Variants in DYNC2H1 observed in about 807,000 individuals in gnomAD.
DYNC2H1 encodes the protein cytoplasmic dynein 2 heavy chain 1.
DYNC2H1 carries 410 observed loss-of-function variants against 570.0 expected under a neutral mutation model. The observed-to-expected ratio is 0.72, with a 90% CI of 0.66 to 0.78. The LOEUF is 0.78. DYNC2H1 is among the 30% of genes least tolerant of loss of function. The probability of loss-of-function intolerance (pLI) is 0.00; values close to 1 mark genes in which losing one functional copy is unlikely to be tolerated. For missense variants in DYNC2H1, 4,865 were observed against 5,046.4 expected (o/e 0.96, Z 1.09); for synonymous variants, 1,688 against 1,677.6 (o/e 1.01, Z -0.15).
In DYNC2H1 at chr11:103,233,834, G is replaced by A. The variant is rs868472281; in HGVS notation, c.9441-200G>A. 0.043 allele frequency among the ~76,000 whole-genome samples: 2,913 copies of A among 68,190 alleles called. 125 individuals carry two copies. The highest frequency in any genetic ancestry group is 0.15 in the African/African-American group (2,725 of 17,740). The allele number at this position is 68,190 out of a possible 152,430, so 44.7% of individuals were successfully genotyped here. On this transcript the variant is annotated intron_variant, in intron 60 of 88. Transcript: ENST00000375735. Reference sequence around the variant, plus strand: ...AGGTAGAGAATGCTACACTTTATGTGTGTGTGTGTGTGTGTGTGTGTGTGT... The same window carrying A: ...AGGTAGAGAATGCTACACTTTATGTATGTGTGTGTGTGTGTGTGTGTGTGT...
In DYNC2H1 at chr11:103,177,918, C is replaced by A; in HGVS notation, c.6139+98C>A. 1 of 1,300,858 alleles carries A rather than the reference C, an allele frequency of 7.7e-7. No homozygotes were observed. Among genetic ancestry groups the A allele is most frequent in the Non-Finnish European group, 1.0e-6 (1 of 974,774 alleles). 80.6% of individuals were successfully genotyped at this position (1,300,858 alleles called of 1,614,324 possible). On this transcript the variant is annotated intron_variant, in intron 38 of 88. Coordinates refer to ENST00000375735, the MANE Select transcript of DYNC2H1 (RefSeq NM_001377.3). The surrounding 1 kb of genome is among the most constrained non-coding windows in gnomAD (Gnocchi z 4.4). The stretch of plus-strand genomic sequence containing the variant: ...GTCTTTGTCAAGACTTCTACATGAC[C>A]ATAAAGTCATAATTAAGTTAAAATG...
intron 17 of DYNC2H1, among the ~76,000 whole-genome samples, chr11:103,140,098 C>G (rs189818795): frequency 1.3e-5 from 2 of 152,182 alleles, no homozygotes; most frequent in Non-Finnish European, 2.9e-5. Flanking sequence ...TTATTTTGAG[C>G]CTATGTTGTC....
intron 48 of DYNC2H1, 65 bp downstream of exon 48, chr11:103,198,128 G>T: frequency 6.8e-7 from 1 of 1,472,622 alleles, no homozygotes; most frequent in Non-Finnish European, 9.2e-7. Flanking sequence ...AATATTTATT[G>T]TAAATATTTA....
intron 87 of DYNC2H1, among the ~76,000 whole-genome samples, chr11:103,457,882 A>AT (rs952609516): frequency 1.3e-5 from 2 of 152,160 alleles, no homozygotes; most frequent in Admixed American, 6.5e-5. Context: ...TATACTTTTA[A>AT]TTTTTTTAAC....
chr11:103,144,140 G>A (rs1860113309), intron 18 of DYNC2H1, among the ~76,000 whole-genome samples: 1 of 152,190 alleles, frequency 6.6e-6, no homozygotes, highest in African/African-American at 2.4e-5. Flanking sequence ...TGATGATTAA[G>A]TCAAGTACAC....
At chr11:103,471,628 G>A (rs1160792862) in intron 88 of DYNC2H1, among the ~76,000 whole-genome samples, 1 of 152,162 alleles carries the variant, frequency 6.6e-6, no homozygotes, top group African/African-American at 2.4e-5. Flanking sequence ...CTTTTATAAT[G>A]CTATAATGTT....
intron 63 of DYNC2H1, among the ~76,000 whole-genome samples, chr11:103,242,564 A>C (rs181923871): frequency 6.6e-6 from 1 of 152,322 alleles, no homozygotes; most frequent in African/African-American, 2.4e-5. Context: ...ATAAATGTGA[A>C]AACTTAAGAA....
rs1865954985 is a variant in DYNC2H1 at position 103,277,362 on chromosome 11, A to G, written c.10696-2986A>G. Among the ~76,000 whole-genome samples, 1 of 151,728 alleles carries G rather than the reference A, an allele frequency of 6.6e-6. No individual in the cohort carries two copies. The highest frequency in any genetic ancestry group is 6.6e-5 in the Admixed American group (1 of 15,210). The stretch of plus-strand genomic sequence containing the variant: ...CTTTCATTTTACTTATATTTTACAA[A>G]TTTTTCTTCATCTGGGTCTAATTTA... On this transcript the variant is annotated intron_variant, in intron 70 of 88. Transcript: ENST00000375735. The surrounding 1 kb of genome is among the most constrained non-coding windows in gnomAD (Gnocchi z 4.3).
chr11:103,191,221 T>C (rs879318249), intron 45 of DYNC2H1, among the ~76,000 whole-genome samples: 1 of 151,576 alleles, frequency 6.6e-6, no homozygotes, highest in Non-Finnish European at 1.5e-5. Flanking sequence ...TATATTTTTT[T>C]TAGAGACGGG....
rs1944417911 is a variant in DYNC2H1, at chr11:103,446,099, A to G, written c.12457-9087A>G. On this transcript the variant is annotated intron_variant, in intron 85 of 88. Coordinates refer to ENST00000375735, the MANE Select transcript of DYNC2H1 (RefSeq NM_001377.3). This position sits in a 1 kb window ranked among gnomAD's most constrained non-coding sequence, Gnocchi z 4.5. ...GAGGAGGGGAGTGGTCTTGCAAATT[A>G]AAAGTTCTAATTTGAACATGATAAG... Among the ~76,000 whole-genome samples the G allele has an allele frequency of 6.6e-6, 1 of 152,040 alleles. No individual in the cohort carries two copies. Among genetic ancestry groups the G allele is most frequent in the South Asian group, 2.1e-4 (1 of 4,816 alleles).
chr11:103,214,580 G>C (rs887698304), intron 54 of DYNC2H1, among the ~76,000 whole-genome samples: 4 of 151,318 alleles, frequency 2.6e-5, no homozygotes, highest in African/African-American at 9.7e-5. Context: ...GAGTAGCTGC[G>C]ATACAGGCAG....
At chr11:103,394,053 C>T in intron 83 of DYNC2H1, among the ~76,000 whole-genome samples, 1 of 152,184 alleles carries the variant, frequency 6.6e-6, no homozygotes, top group Middle Eastern at 3.2e-3. Context: ...ATCAACTCCC[C>T]TTCTCTTTTA....
intron 62 of DYNC2H1, among the ~76,000 whole-genome samples, 176 bp from the exon 63 acceptor site, chr11:103,236,254 C>CTTTTTG (rs1864214540): frequency 6.6e-6 from 1 of 151,878 alleles, no homozygotes; most frequent in South Asian, 2.1e-4. Context: ...TTCCTTTGCA[C>CTTTTTG]TTTTTGTTTT....
chr11:103,276,692 C>A (rs879286260), intron 70 of DYNC2H1, among the ~76,000 whole-genome samples: 2 of 151,880 alleles, frequency 1.3e-5, no homozygotes, highest in Non-Finnish European at 2.9e-5. Context: ...CATCTTCCTC[C>A]TCCTTCTACA....
At chr11:103,124,567 G>A (rs958292093) in intron 11 of DYNC2H1, among the ~76,000 whole-genome samples, 9 of 151,434 alleles carry the variant, frequency 5.9e-5, no homozygotes, top group African/African-American at 1.2e-4. Flanking sequence ...TCTGATTTGA[G>A]TTCCCCAAAG....
intron 83 of DYNC2H1, among the ~76,000 whole-genome samples, chr11:103,379,294 A>C (rs1398337832): frequency 6.6e-6 from 1 of 152,162 alleles, no homozygotes; most frequent in East Asian, 1.9e-4. Flanking sequence ...TTCTGTGTTC[A>C]GTATCCTTTT....
chr11:103,374,490 T>C (rs1394014175), intron 83 of DYNC2H1, among the ~76,000 whole-genome samples: 8 of 152,168 alleles, frequency 5.3e-5, no homozygotes, highest in Non-Finnish European at 1.2e-4. Context: ...AACTGGGTAA[T>C]GGGCAGAGGT....
At chr11:103,342,392 G>A (rs1939496692) in intron 82 of DYNC2H1, among the ~76,000 whole-genome samples, 1 of 152,126 alleles carries the variant, frequency 6.6e-6, no homozygotes, top group Non-Finnish European at 1.5e-5. Context: ...AATAAAAGCT[G>A]GCCACCCCAG....
chr11:103,194,597 T>C (rs1267145844), intron 47 of DYNC2H1, among the ~76,000 whole-genome samples: 1 of 152,220 alleles, frequency 6.6e-6, no homozygotes. Flanking sequence ...TATGTCATTG[T>C]GGCTTTAATT....
Sources: allele counts gnomAD v4.1 joint callset (sites outside exome capture counted in the v4.1 genomes callset), GRCh38; gene constraint gnomAD v4.1.1; non-coding constraint Gnocchi (gnomAD v3.1); transcripts MANE v1.5; gene names NCBI Gene and HGNC (gene_info 2026-07-23, HGNC 2026-07-21).